FBL: variants seen among roughly 807,000 people sequenced by gnomAD.
FBL encodes the protein fibrillarin rRNA 2'-O-methyltransferase.
Under a neutral mutation model 42.2 loss-of-function variants are expected in FBL, and 10 were observed. That is an observed-to-expected ratio of 0.24 (90% CI 0.15 to 0.40). FBL has a LOEUF of 0.40. Ranked by LOEUF, FBL falls within the 10% of genes least tolerant of loss-of-function variation. The probability of loss-of-function intolerance (pLI) is 1.00; values close to 1 mark genes in which losing one functional copy is unlikely to be tolerated. For synonymous variants in FBL, 165 were observed against 165.4 expected (o/e 1.00, Z 0.02); for missense variants, 351 against 439.2 (o/e 0.80, Z 1.79).
chr19:39,840,332 G>A lies in FBL; in HGVS notation c.284-5C>T, dbSNP rs1477654223. ...TTCCTCGACAAATGAAGACACCTGG[G>A]TGAGGGGATCAGAGCAGGGGTGAGG... is the stretch of plus-strand genomic sequence containing the variant. On this transcript the variant is annotated splice_polypyrimidine_tract_variant and splice_region_variant and intron_variant, in intron 3 of 8. Coordinates refer to ENST00000221801, the MANE Select transcript of FBL (RefSeq NM_001436.4). The surrounding 1 kb of genome is among the most constrained non-coding windows in gnomAD (Gnocchi z 4.5). 2.5e-6 allele frequency: 4 copies of A among 1,613,680 alleles called. No homozygotes were observed. The African/African-American group carries it at 4.0e-5, about 16-fold the overall frequency.
rs1423455538 is a variant in FBL at position 39,840,623 on chromosome 19, T to TTCCTCC, written c.169_174dup (p.Gly57_Gly58dup). On this transcript the variant is annotated inframe_insertion, in exon 2 of 9. Transcript: ENST00000221801. The surrounding 1 kb of genome is among the most constrained non-coding windows in gnomAD (Gnocchi z 4.5). ...AACCCCTAGCCAATCTTACCACCTC[T>TTCCTCC]TCCTCCTCCTCCACCGCCGCCGCCG... 5.0e-6 allele frequency: 8 copies of TTCCTCC among 1,613,308 alleles called. No individual in the cohort carries two copies. The highest frequency in any genetic ancestry group is 1.3e-5 in the African/African-American group (1 of 74,896).
Position 39,834,695 on chromosome 19 carries a change from T to A in FBL, c.914A>T (p.Asp305Val). 1 of 1,614,092 alleles carries A rather than the reference T, an allele frequency of 6.2e-7. No homozygotes were observed. Among genetic ancestry groups the A allele is most frequent in the Non-Finnish European group, 8.5e-7 (1 of 1,180,008 alleles). Residue 305 changes from aspartate to valine, a missense_variant, in exon 8 of 9, where the codon GAC becomes GTC. Asp to Val is a radical substitution (Grantham distance 152, BLOSUM62 -3). Transcript: ENST00000221801. Reference protein sequence around the residue: ...EQLTLEPYERDHAVVVGVYRP... With the variant: ...EQLTLEPYERVHAVVVGVYRP... ...GTACACTCCCACGACCACGGCATGG[T>A]CTCTTTCATATGGCTCAAGGGTCAA... is the stretch of plus-strand genomic sequence containing the variant.
rs142233145 is a variant in FBL at position 39,842,536 on chromosome 19, A to C, written c.11-1749T>G. Reference sequence around the variant, plus strand: ...ACGGTTTCATTTTCAAAACTCCCAAACAACCAAAAGTTGTTTACTTTTAAT... The same window carrying C: ...ACGGTTTCATTTTCAAAACTCCCAACCAACCAAAAGTTGTTTACTTTTAAT... On this transcript the variant is annotated intron_variant, in intron 1 of 8. Coordinates refer to ENST00000221801, the MANE Select transcript of FBL (RefSeq NM_001436.4). Among the ~76,000 whole-genome samples, 5 of 152,206 alleles carry C rather than the reference A, an allele frequency of 3.3e-5. No homozygotes were observed. In the East Asian group the frequency reaches 5.8e-4, roughly 18 times the overall value.
intron 7 of FBL, 120 bp from the exon 8 acceptor site, chr19:39,834,933 T>C: frequency 9.6e-7 from 1 of 1,043,212 alleles, no homozygotes; most frequent in Non-Finnish European, 1.4e-6. Context: ...ATGGTTCTAG[T>C]GTGTCCCCCA....
At position 39,840,537 on chromosome 19, in the gene FBL, GGAGA is replaced by G; in HGVS notation, c.182-26_182-23del. On this transcript the variant is annotated intron_variant, in intron 2 of 8. Transcript: ENST00000221801. The surrounding 1 kb of genome is among the most constrained non-coding windows in gnomAD (Gnocchi z 4.5). The stretch of plus-strand genomic sequence containing the variant: ...CCACCTATAAAGGAGAGGTACAACA[GGAGA>G]GAAAGATCCTGAATCTCCGCCCTCC... 6.2e-7 allele frequency: 1 copy of G among 1,613,900 alleles called. No individual in the cohort carries two copies. Among genetic ancestry groups the G allele is most frequent in the South Asian group, 1.1e-5 (1 of 91,058 alleles).
intron 8 of FBL, 52 bp from the exon 9 acceptor site, chr19:39,834,614 G>C: frequency 6.2e-7 from 1 of 1,613,986 alleles, no homozygotes; most frequent in African/African-American, 1.3e-5. Context: ...CATGGCACTC[G>C]GGGTGCAAGG....
intron 5 of FBL, 151 bp downstream of exon 5, chr19:39,838,884 C>T (rs995340922): frequency 1.4e-6 from 1 of 702,066 alleles, no homozygotes; most frequent in Non-Finnish European, 2.4e-6. Flanking sequence ...TTATCTGGTT[C>T]AAGCCACTCC....
intron 6 of FBL, among the ~76,000 whole-genome samples, chr19:39,837,425 AG>A (rs1486763320): frequency 6.6e-6 from 1 of 152,028 alleles, no homozygotes; most frequent in Non-Finnish European, 1.5e-5. Context: ...CTTTTTATGG[AG>A]GGGTAGTGTA....
chr19:39,840,677 T>C lies in FBL; in HGVS notation c.121A>G (p.Arg41Gly), dbSNP rs1288759373. ...CCACCTCCTCCTCGTCCACGACCTC[T>C]AAAGCCTCCGCCTCGACCTCGGCCC... ...GGGRGRGGGF[R>G]GRGRGGGGGG... is the part of the protein sequence containing the mutation. Residue 41 changes from arginine to glycine, a missense_variant, in exon 2 of 9, where the codon AGA (arginine) becomes GGA (glycine). Coordinates refer to ENST00000221801, the MANE Select transcript of FBL (RefSeq NM_001436.4). The surrounding 1 kb of genome is among the most constrained non-coding windows in gnomAD (Gnocchi z 4.5). 1.9e-6 allele frequency: 3 copies of C among 1,603,802 alleles called. No individual in the cohort carries two copies. The African/African-American group carries it at 4.0e-5, about 22-fold the overall frequency.
intron 1 of FBL, among the ~76,000 whole-genome samples, chr19:39,845,991 T>C (rs781344531): frequency 3.9e-5 from 6 of 152,158 alleles, no homozygotes; most frequent in Non-Finnish European, 7.4e-5. Context: ...CCAAGACCCT[T>C]GAGTGCCGCC....
chr19:39,837,838 A>C lies in FBL; in HGVS notation c.555T>G (p.Gly185=). 1 of 1,613,464 alleles carries C rather than the reference A, an allele frequency of 6.2e-7. No individual in the cohort carries two copies. The highest frequency in any genetic ancestry group is 8.5e-7 in the Non-Finnish European group (1 of 1,179,698). Residue 185 remains glycine (G), a synonymous_variant, in exon 6 of 9, where the codon GGT becomes GGG. Transcript: ENST00000221801. ...GGGAGAACTCGACTGCATAGACTAG[A>C]CCATCCTAAAATAAATTAAAAATTA... ...SHVSDIVGPD[G]LVYAVEFSHR...
At position 39,840,285 on chromosome 19, in the gene FBL, T is replaced by C; in HGVS notation, c.326A>G (p.Lys109Arg). The C allele has an allele frequency of 6.2e-7, 1 of 1,614,110 alleles. No individual in the cohort carries two copies. Among genetic ancestry groups the C allele is most frequent in the South Asian group, 1.1e-5 (1 of 91,080 alleles). The part of the protein sequence containing the change: ...CRGKEDALVT[K>R]NLVPGESVYG... ...AACTGATTCCCCAGGGACCAGGTTC[T>C]TGGTGACCAGTGCATCTTCCTTTCC... is the stretch of plus-strand genomic sequence containing the variant. The change falls in exon 4 of 9, where the codon AAG (lysine) becomes AGG (arginine). Residue 109 changes from lysine (K) to arginine (R), a missense_variant. Transcript: ENST00000221801. The surrounding 1 kb of genome is among the most constrained non-coding windows in gnomAD (Gnocchi z 4.5).
chr19:39,838,063 A>G, intron 5 of FBL: 1 of 495,448 alleles, frequency 2.0e-6, no homozygotes, highest in Non-Finnish European at 3.6e-6. Context: ...AAAAGTACCC[A>G]ATCCCATCTG....
intron 1 of FBL, among the ~76,000 whole-genome samples, chr19:39,841,581 C>T (rs376706130): frequency 2.6e-4 from 40 of 152,304 alleles, no homozygotes; most frequent in African/African-American, 9.6e-4. Flanking sequence ...CATACGAGCA[C>T]ATGCTGTGAC....
chr19:39,838,785 ATACTCCCCGTT>A (rs1969100443), intron 5 of FBL: 1 of 412,222 alleles, frequency 2.4e-6, no homozygotes, highest in African/African-American at 2.0e-5. Context: ...TCTGGTATCT[ATACTCCCCGTT>A]GTCTCTCTAA....
chr19:39,843,733 A>C (rs1969205690), intron 1 of FBL, among the ~76,000 whole-genome samples: 1 of 152,206 alleles, frequency 6.6e-6, no homozygotes, highest in African/African-American at 2.4e-5. Flanking sequence ...GTGCCACTGC[A>C]CTCCAGCCTG....
chr19:39,838,655 T>C, intron 5 of FBL: 1 of 172,302 alleles, frequency 5.8e-6, no homozygotes. Context: ...CCAGGGGCCC[T>C]CTAAATGGGA....
At chr19:39,841,614 A>G (rs1969165993) in intron 1 of FBL, among the ~76,000 whole-genome samples, 1 of 152,176 alleles carries the variant, frequency 6.6e-6, no homozygotes, top group Non-Finnish European at 1.5e-5. Context: ...TAGACTCTGC[A>G]AACGTCTTCA....
At chr19:39,837,603 G>C (rs1969074805) in intron 6 of FBL, 108 bp downstream of exon 6, 1 of 988,498 alleles carries the variant, frequency 1.0e-6, no homozygotes, top group Non-Finnish European at 1.5e-6. Context: ...AGACTCAAGA[G>C]GTCTGCTCAT....
Sources: allele counts gnomAD v4.1 joint callset (sites outside exome capture counted in the v4.1 genomes callset), GRCh38; gene constraint gnomAD v4.1.1; non-coding constraint Gnocchi (gnomAD v3.1); transcripts MANE v1.5; gene names NCBI Gene and HGNC (gene_info 2026-07-23, HGNC 2026-07-21).